A1CF: variants seen among roughly 807,000 people sequenced by gnomAD.
A1CF encodes the protein APOBEC-1 stimulating protein.
A1CF carries 48 observed loss-of-function variants against 68.9 expected under a neutral mutation model. That is an observed-to-expected ratio of 0.70 (90% CI 0.55 to 0.89). A1CF has a LOEUF of 0.89. Among genes scored for constraint, A1CF ranks in the 40% least tolerant of loss-of-function variants. A1CF has a pLI of 0.00. For missense variants in A1CF, 653 were observed against 718.9 expected (o/e 0.91, Z 1.05); for synonymous variants, 272 against 260.4 (o/e 1.04, Z -0.43).
chr10:50,871,039 G>A (rs1055253796), intron 1 of A1CF, among the ~76,000 whole-genome samples: 1 of 151,218 alleles, frequency 6.6e-6, no homozygotes, highest in Non-Finnish European at 1.5e-5. Context: ...ACCCAGTATT[G>A]GTTTAAAAAA....
At chr10:50,826,826 A>G (rs894813121) in intron 7 of A1CF, among the ~76,000 whole-genome samples, 4 of 152,176 alleles carry the variant, frequency 2.6e-5, no homozygotes, top group African/African-American at 9.7e-5. Context: ...CAATTAAAAG[A>G]CACAGACTGG....
At chr10:50,882,843 G>A (rs939584364) in intron 1 of A1CF, among the ~76,000 whole-genome samples, 2 of 152,132 alleles carry the variant, frequency 1.3e-5, no homozygotes, top group African/African-American at 4.8e-5. Context: ...AGCTTTCTAA[G>A]GGATGACAAT....
intron 2 of A1CF, chr10:50,863,125 T>C (rs1840820804): frequency 6.6e-6 from 1 of 152,182 alleles, no homozygotes; most frequent in African/African-American, 2.4e-5. Context: ...ATCTGTATAA[T>C]ATCTCAATTA....
chr10:50,825,425 G>A lies in A1CF; in HGVS notation c.769+2706C>T, dbSNP rs545583846. On this transcript the variant is annotated intron_variant, in intron 7 of 12. Transcript: ENST00000373997. Reference sequence around the variant, plus strand: ...CTTGAAAAATGAAGATTTCTGCATCGCTTCTTGGAGAATTTCAAAGCATGT... The same window carrying A: ...CTTGAAAAATGAAGATTTCTGCATCACTTCTTGGAGAATTTCAAAGCATGT... Among the ~76,000 whole-genome samples, 101 of 152,072 alleles carry A rather than the reference G, an allele frequency of 6.6e-4. 1 individual carries two copies. Among genetic ancestry groups the A allele is most frequent in the Non-Finnish European group, 1.3e-3 (90 of 68,012 alleles).
chr10:50,850,371 T>C (rs1454163438), intron 3 of A1CF, among the ~76,000 whole-genome samples: 4 of 152,234 alleles, frequency 2.6e-5, no homozygotes, highest in African/African-American at 7.2e-5. Context: ...TGTTTAAGGA[T>C]TATTCAGTAT....
chr10:50,855,262 T>A (rs12414527), intron 3 of A1CF, among the ~76,000 whole-genome samples: 15,669 of 151,848 alleles, frequency 0.1, 1,247 homozygotes, highest in East Asian at 0.4. Flanking sequence ...AAGAAGTATA[T>A]GCTAGCTTTC....
intron 8 of A1CF, among the ~76,000 whole-genome samples, chr10:50,817,405 G>T (rs532377065): frequency 2.6e-5 from 4 of 152,270 alleles, no homozygotes; most frequent in South Asian, 2.1e-4. Context: ...GCTGGACAAA[G>T]CTTGTGCTTC....
intron 3 of A1CF, among the ~76,000 whole-genome samples, chr10:50,854,950 T>A (rs532956379): frequency 6.6e-6 from 1 of 151,978 alleles, no homozygotes; most frequent in African/African-American, 2.4e-5. Flanking sequence ...ATTTTAAATT[T>A]TATATATATT....
At chr10:50,881,188 C>T (rs1841759052) in intron 1 of A1CF, among the ~76,000 whole-genome samples, 2 of 152,104 alleles carry the variant, frequency 1.3e-5, no homozygotes, top group Admixed American at 6.5e-5. Flanking sequence ...GGGGTTTCGT[C>T]ATGTTAGCCA....
chr10:50,824,425 G>A (rs1179566462), intron 7 of A1CF: 1 of 152,096 alleles, frequency 6.6e-6, no homozygotes, highest in Non-Finnish European at 1.5e-5. Flanking sequence ...AAGGTAGAAA[G>A]TCAACATGGA....
intron 3 of A1CF, among the ~76,000 whole-genome samples, chr10:50,849,228 T>A (rs376337037): frequency 3.3e-5 from 5 of 152,194 alleles, no homozygotes; most frequent in African/African-American, 1.2e-4. Context: ...TTCTAAATTG[T>A]ATATAAAATA....
chr10:50,855,565 T>C (rs1382047043), intron 3 of A1CF, among the ~76,000 whole-genome samples: 2 of 152,008 alleles, frequency 1.3e-5, no homozygotes, highest in Non-Finnish European at 2.9e-5. Flanking sequence ...CCAAAGATGT[T>C]TGATTATTTT....
Position 50,811,038 on chromosome 10 carries a change from A to C in A1CF, c.1460+2T>G. 6.2e-7 allele frequency: 1 copy of C among 1,610,922 alleles called. No homozygotes were observed. The highest frequency in any genetic ancestry group is 8.5e-7 in the Non-Finnish European group (1 of 1,178,466). The stretch of plus-strand genomic sequence containing the variant: ...GGTAAGGAATTTGGAGAAGTTACGC[A>C]CATTGCAGGATTCTGGCTGGCTAGA... On this transcript the variant is annotated splice_donor_variant, in intron 11 of 12. Coordinates refer to ENST00000373997, the MANE Select transcript of A1CF (RefSeq NM_014576.4). LOFTEE classifies it high-confidence loss of function.
chr10:50,855,557 A>G (rs1356696913), intron 3 of A1CF, among the ~76,000 whole-genome samples: 1 of 151,976 alleles, frequency 6.6e-6, no homozygotes, highest in Non-Finnish European at 1.5e-5. Context: ...ATCAATATCC[A>G]AAGATGTTTG....
At chr10:50,879,948 G>A (rs1841696497) in intron 1 of A1CF, among the ~76,000 whole-genome samples, 1 of 152,126 alleles carries the variant, frequency 6.6e-6, no homozygotes, top group South Asian at 2.1e-4. Context: ...TGGAGTGAAG[G>A]GAGTATTCCT....
intron 3 of A1CF, among the ~76,000 whole-genome samples, chr10:50,854,046 TTAA>T (rs963820944): frequency 4.6e-5 from 7 of 151,972 alleles, no homozygotes; most frequent in Non-Finnish European, 2.9e-5. Context: ...TCACCCAAAT[TTAA>T]TAATAAAGTT....
chr10:50,824,519 G>T (rs1463362452), intron 7 of A1CF: 1 of 152,202 alleles, frequency 6.6e-6, no homozygotes, highest in African/African-American at 2.4e-5. Flanking sequence ...TCTCAGCTTA[G>T]ATGTCGCTTC....
chr10:50,856,627 A>G (rs1241132789), intron 3 of A1CF, among the ~76,000 whole-genome samples: 1 of 152,134 alleles, frequency 6.6e-6, no homozygotes. Context: ...TTGGCCAATA[A>G]CAACAGAATC....
At chr10:50,835,822 G>T (rs556554823) in intron 6 of A1CF, among the ~76,000 whole-genome samples, 10 of 152,212 alleles carry the variant, frequency 6.6e-5, no homozygotes, top group African/African-American at 2.2e-4. Flanking sequence ...TTCATCAAAG[G>T]ATTGCTGTAC....
Sources: allele counts gnomAD v4.1 joint callset (sites outside exome capture counted in the v4.1 genomes callset), GRCh38; gene constraint gnomAD v4.1.1; transcripts MANE v1.5; gene names NCBI Gene and HGNC (gene_info 2026-07-23, HGNC 2026-07-21).